USH2A: variants seen among roughly 807,000 people sequenced by gnomAD.
The protein encoded by USH2A is usherin.
Under a neutral mutation model 538.9 loss-of-function variants are expected in USH2A, and 443 were observed. The observed-to-expected ratio is 0.82, with a 90% CI of 0.76 to 0.89. USH2A has a LOEUF of 0.89. Among genes scored for constraint, USH2A ranks in the 40% least tolerant of loss-of-function variants. The probability of loss-of-function intolerance (pLI) is 0.00; values close to 1 mark genes in which losing one functional copy is unlikely to be tolerated. For synonymous variants in USH2A, 2,413 were observed against 2,273.5 expected (o/e 1.06, Z -1.75); for missense variants, 6,633 against 6,324.8 (o/e 1.05, Z -1.65).
chr1:215,958,903 G>A (rs1180056274), intron 37 of USH2A, among the ~76,000 whole-genome samples: 1 of 152,008 alleles, frequency 6.6e-6, no homozygotes, highest in Non-Finnish European at 1.5e-5. Flanking sequence ...AACATATGCA[G>A]CCAAAACATA....
chr1:215,814,012 G>A, intron 48 of USH2A, 108 bp from the exon 49 acceptor site: 1 of 1,236,882 alleles, frequency 8.1e-7, no homozygotes, highest in Non-Finnish European at 1.2e-6. Flanking sequence ...GAAGATCTGA[G>A]ACCATATTAC....
intron 38 of USH2A, among the ~76,000 whole-genome samples, chr1:215,926,153 G>A (rs189721023): frequency 7.1e-5 from 10 of 141,188 alleles, no homozygotes; most frequent in South Asian, 4.5e-4. Context: ...TTGCTCTTTC[G>A]TATATTCTTG....
At chr1:216,200,600 TTTTAAGCTGCTAAA>T (rs1416589773) in intron 16 of USH2A, among the ~76,000 whole-genome samples, 2 of 152,218 alleles carry the variant, frequency 1.3e-5, no homozygotes, top group Non-Finnish European at 2.9e-5. Context: ...ATGTTTATTG[TTTTAAGCTGCTAAA>T]TTTTGGAGAC....
At chr1:215,770,942 TAAAAAAAAAAAAA>T (rs59409812) in intron 55 of USH2A, among the ~76,000 whole-genome samples, 1 of 65,870 alleles carries the variant, frequency 1.5e-5, no homozygotes, top group Non-Finnish European at 2.9e-5. Flanking sequence ...CCGTCTCTAC[TAAAAAAAAAAAAA>T]AAAAAAAAAA....
chr1:215,768,222 T>C (rs1277745281), intron 55 of USH2A, among the ~76,000 whole-genome samples: 1 of 152,214 alleles, frequency 6.6e-6, no homozygotes, highest in East Asian at 1.9e-4. Context: ...GTCTCTGATG[T>C]TTGCTGTGTC....
Position 215,995,776 on chromosome 1 carries a change from A to T in USH2A, c.6658-2609T>A, listed in dbSNP as rs551261010. 3.9e-5 allele frequency among the ~76,000 whole-genome samples: 6 copies of T among 152,360 alleles called. No homozygotes were observed. The South Asian group carries it at 1.2e-3, about 32-fold the overall frequency. On this transcript the variant is annotated intron_variant, in intron 34 of 71. Transcript: ENST00000307340. ...CATTTTGAAAAATTCATAAAGGCATAACTCTGCCTTGAAATGATGAGTAAC... is the reference window on the plus strand; with the variant it reads ...CATTTTGAAAAATTCATAAAGGCATTACTCTGCCTTGAAATGATGAGTAAC...
chr1:215,875,876 ATAT>A (rs891528417), intron 43 of USH2A, among the ~76,000 whole-genome samples: 3 of 146,496 alleles, frequency 2.0e-5, no homozygotes, highest in African/African-American at 4.9e-5. Flanking sequence ...TTAATTATAT[ATAT>A]TATTAATTAT....
intron 21 of USH2A, among the ~76,000 whole-genome samples, chr1:216,131,048 C>G (rs943603742): frequency 6.6e-6 from 1 of 151,928 alleles, no homozygotes; most frequent in African/African-American, 2.4e-5. Context: ...ATTTGCATTT[C>G]TCTATCATTA....
intron 11 of USH2A, among the ~76,000 whole-genome samples, chr1:216,274,360 C>T (rs1221721317): frequency 3.9e-5 from 6 of 152,132 alleles, no homozygotes; most frequent in Non-Finnish European, 8.8e-5. Flanking sequence ...ATTTGCAACA[C>T]TGCCGGTGCT....
chr1:215,896,366 C>A (rs1338373588), intron 40 of USH2A, among the ~76,000 whole-genome samples: 1 of 151,496 alleles, frequency 6.6e-6, no homozygotes, highest in South Asian at 2.1e-4. Flanking sequence ...ATTAGTTGAT[C>A]TAATTGCTTG....
Position 215,627,381 on chromosome 1 carries a change from CTTCT to C in USH2A, c.15519+1429_15519+1432del, listed in dbSNP as rs1459601020. Among the ~76,000 whole-genome samples the C allele has an allele frequency of 1.2e-3, 170 of 136,746 alleles. 2 individuals carry two copies. Among genetic ancestry groups the C allele is most frequent in the Non-Finnish European group, 1.7e-3 (103 of 61,790 alleles). 89.7% of individuals were successfully genotyped at this position (136,746 alleles called of 152,430 possible). ...TTTCTCTCCCTCCCTCCCTCCCTTCCTTCTTTCCTTCCTTCCTTCCTTCCTTCCT... is the reference window on the plus strand; with the variant it reads ...TTTCTCTCCCTCCCTCCCTCCCTTCCTTCCTTCCTTCCTTCCTTCCTTCCT... On this transcript the variant is annotated intron_variant, in intron 71 of 71. Transcript: ENST00000307340.
intron 13 of USH2A, among the ~76,000 whole-genome samples, chr1:216,242,329 C>T (rs1268162254): frequency 6.6e-6 from 1 of 150,630 alleles, no homozygotes; most frequent in East Asian, 1.9e-4. Context: ...GCCCTCTAGC[C>T]TGGGCGACAG....
chr1:216,272,787 T>C (rs986570581), intron 11 of USH2A, among the ~76,000 whole-genome samples: 5 of 152,038 alleles, frequency 3.3e-5, no homozygotes, highest in South Asian at 2.1e-4. Context: ...ATTGGCAAAA[T>C]AGGTTGAGAA....
chr1:216,093,233 G>A (rs970396225), intron 22 of USH2A, among the ~76,000 whole-genome samples: 1 of 152,198 alleles, frequency 6.6e-6, no homozygotes, highest in Non-Finnish European at 1.5e-5. Context: ...AAAGTGCTAG[G>A]ATTACAGGCA....
intron 35 of USH2A, among the ~76,000 whole-genome samples, chr1:215,980,280 A>G (rs1667719737): frequency 6.6e-6 from 1 of 152,148 alleles, no homozygotes; most frequent in Non-Finnish European, 1.5e-5. Flanking sequence ...ATAGATGACA[A>G]GAAAAGCTTT....
At chr1:215,977,224 C>A (rs1374604813) in intron 35 of USH2A, among the ~76,000 whole-genome samples, 2 of 151,970 alleles carry the variant, frequency 1.3e-5, no homozygotes, top group Admixed American at 6.6e-5. Context: ...TAAAAAAAAT[C>A]TTTGCTAGCT....
chr1:215,998,956 A>G lies in USH2A; in HGVS notation c.6588T>C (p.Ser2196=). The change falls in exon 34 of 72, where the codon AGT becomes AGC. Residue 2196 remains serine, a synonymous_variant. Coordinates refer to ENST00000307340, the MANE Select transcript of USH2A (RefSeq NM_206933.4). The part of the protein sequence containing the change: ...DFTIWSVIYN[S]TELFQDHMLQ... The stretch of plus-strand genomic sequence containing the variant: ...GCATATGATCCTGGAAAAGTTCTGT[A>G]CTGTTATAGATGACACTCCAAATTG... The G allele has an allele frequency of 6.2e-7, 1 of 1,613,240 alleles. No homozygotes were observed. Among genetic ancestry groups the G allele is most frequent in the Non-Finnish European group, 8.5e-7 (1 of 1,179,436 alleles).
rs1408845784 is a variant in USH2A, at chr1:216,422,021, T to C, written c.316A>G (p.Ser106Gly). Residue 106 changes from serine (S) to glycine (G), a missense_variant, in exon 2 of 72, where the codon AGT (serine) becomes GGT (glycine). Coordinates refer to ENST00000307340, the MANE Select transcript of USH2A (RefSeq NM_206933.4). ...TTCTTGTCTGGTGTGATGCAGCTAC[T>C]GAGGCCTGCTGAGAAAAGGGCAGTG... ...TYTALFSAGL[S>G]SCITPDKNDL... The C allele has an allele frequency of 1.1e-5, 18 of 1,613,836 alleles. No homozygotes were observed. The highest frequency in any genetic ancestry group is 2.2e-5 in the East Asian group (1 of 44,878).
chr1:215,836,642 C>T (rs1308454463), intron 47 of USH2A, among the ~76,000 whole-genome samples: 9 of 130,554 alleles, frequency 6.9e-5, no homozygotes, highest in South Asian at 2.5e-4. Flanking sequence ...CTCCAAGTTC[C>T]GCCTCCCAGG....
Sources: allele counts gnomAD v4.1 joint callset (sites outside exome capture counted in the v4.1 genomes callset), GRCh38; gene constraint gnomAD v4.1.1; transcripts MANE v1.5; gene names NCBI Gene and HGNC (gene_info 2026-07-23, HGNC 2026-07-21).